Variants in STARD13 observed in about 807,000 individuals in gnomAD.
STARD13 encodes the protein stAR-related lipid transfer protein 13.
In STARD13, 62 loss-of-function variants were observed where a neutral mutation model predicts 106.4. The observed-to-expected ratio is 0.58, with a 90% confidence interval of 0.48 to 0.72. The LOEUF (loss-of-function observed/expected upper bound fraction) is 0.72, where lower values mean the gene tolerates loss of function less well. Ranked by LOEUF, STARD13 falls within the 30% of genes least tolerant of loss-of-function variation. The pLI, the probability that STARD13 is intolerant of heterozygous loss-of-function variation, is 0.00. For synonymous variants in STARD13, 565 were observed against 553.0 expected, an observed-to-expected ratio of 1.02 and a Z score of -0.31; for missense variants, 1,387 against 1,424.0, an observed-to-expected ratio of 0.97 and a Z score of 0.42.
chr13:33,260,973 T>C (rs1271762791), intron 1 of STARD13, among the ~76,000 whole-genome samples: 1 of 152,224 alleles, frequency 6.6e-6, no homozygotes, highest in Non-Finnish European at 1.5e-5. Context: ...TTTAGATTCA[T>C]GCCTGTCTTC....
chr13:33,438,994 A>T, the STARD13 span, among the ~76,000 whole-genome samples: 1 of 152,372 alleles, frequency 6.6e-6, no homozygotes, highest in East Asian at 1.9e-4. Flanking sequence ...TCTACAAGAT[A>T]TGAAGAATAC....
chr13:33,571,546 G>A, the STARD13 span, among the ~76,000 whole-genome samples: 1 of 150,010 alleles, frequency 6.7e-6, no homozygotes, highest in Admixed American at 6.6e-5. Context: ...CTGTACTTCT[G>A]AGTCTTCTGA....
chr13:33,323,092 T>C lies in STARD13; in HGVS notation c.124+27198A>G, dbSNP rs1893618747. ...TGAGTAGCAACAACCAGAGCCACCA[T>C]GCTGGGCAGCACAGGTTGTAATGTG... On this transcript the variant is annotated intron_variant, in intron 1 of 5. Coordinates refer to the STARD13 transcript ENST00000567873. Among the ~76,000 whole-genome samples, 3 of 152,196 alleles carry C rather than the reference T, an allele frequency of 2.0e-5. No homozygotes were observed. In the South Asian group the frequency reaches 6.2e-4, roughly 32 times the overall value.
At chr13:33,121,463 A>C (rs148429306) in intron 7 of STARD13, among the ~76,000 whole-genome samples, 4 of 151,774 alleles carry the variant, frequency 2.6e-5, no homozygotes, top group African/African-American at 9.7e-5. Context: ...AGCTACTTGG[A>C]AGGCTGAGGT....
the STARD13 span, among the ~76,000 whole-genome samples, chr13:33,370,182 T>C: frequency 6.6e-6 from 1 of 152,234 alleles, no homozygotes; most frequent in Admixed American, 6.5e-5. Context: ...GAACAGGGCC[T>C]GGCACATATA....
intron 1 of STARD13, among the ~76,000 whole-genome samples, chr13:33,248,202 C>T (rs138302302): frequency 1.8e-4 from 28 of 152,140 alleles, no homozygotes; most frequent in Admixed American, 5.2e-4. Flanking sequence ...GAGTTCAAGA[C>T]CAGCCTGGGC....
At chr13:33,161,611 G>A (rs971491633) in intron 3 of STARD13, among the ~76,000 whole-genome samples, 2 of 152,110 alleles carry the variant, frequency 1.3e-5, no homozygotes, top group African/African-American at 4.8e-5. Flanking sequence ...CACAACACCT[G>A]GTCTGCTCTA....
the STARD13 span, among the ~76,000 whole-genome samples, chr13:33,510,548 A>C: frequency 6.6e-6 from 1 of 152,164 alleles, no homozygotes; most frequent in African/African-American, 2.4e-5. Flanking sequence ...GGATTTCTTC[A>C]TTCATGGTGA....
the STARD13 span, among the ~76,000 whole-genome samples, chr13:33,595,403 T>C: frequency 6.6e-6 from 1 of 152,328 alleles, no homozygotes; most frequent in East Asian, 1.9e-4. Context: ...CATAATATGA[T>C]GTTTTTTAGA....
chr13:33,374,825 A>G, the STARD13 span, among the ~76,000 whole-genome samples: 1 of 152,044 alleles, frequency 6.6e-6, no homozygotes, highest in South Asian at 2.1e-4. Context: ...GTGTTTGTCA[A>G]ACTTTAGTCT....
At position 33,285,252 on chromosome 13, in the gene STARD13, G is replaced by A. The variant is rs550403653; in HGVS notation, c.169+218C>T. Among the ~76,000 whole-genome samples, 3 of 152,276 alleles carry A rather than the reference G, an allele frequency of 2.0e-5. No homozygotes were observed. The South Asian group carries it at 6.2e-4, about 32-fold the overall frequency. On this transcript the variant is annotated intron_variant, in intron 1 of 13. Transcript: ENST00000336934. Reference sequence around the variant, plus strand: ...TTATGATTCACTGTCCCACCGTGAAGTTTTTTGTGCACTTTATGTTGAGCT... The same window carrying A: ...TTATGATTCACTGTCCCACCGTGAAATTTTTTGTGCACTTTATGTTGAGCT...
chr13:33,643,074 T>C, the STARD13 span, among the ~76,000 whole-genome samples: 1 of 152,052 alleles, frequency 6.6e-6, no homozygotes, highest in Non-Finnish European at 1.5e-5. Context: ...CAAATATGCA[T>C]GCATGTATAA....
intron 13 of STARD13, 120 bp downstream of exon 13, chr13:33,106,638 A>T: frequency 1.1e-6 from 1 of 904,986 alleles, no homozygotes; most frequent in South Asian, 2.3e-5. Context: ...AAAGCACACT[A>T]ATGGCAATGA....
the STARD13 span, among the ~76,000 whole-genome samples, chr13:33,663,886 T>C: frequency 4.6e-5 from 7 of 152,292 alleles, no homozygotes; most frequent in South Asian, 1.2e-3. Flanking sequence ...TCCGCCTTAC[T>C]TGCCTGAACC....
At chr13:33,502,803 T>A in the STARD13 span, among the ~76,000 whole-genome samples, 1 of 152,214 alleles carries the variant, frequency 6.6e-6, no homozygotes, top group Non-Finnish European at 1.5e-5. Context: ...TTATTGAGGA[T>A]TTTTGCTTCA....
At chr13:33,445,960 A>T in the STARD13 span, among the ~76,000 whole-genome samples, 1 of 152,294 alleles carries the variant, frequency 6.6e-6, no homozygotes, top group East Asian at 1.9e-4. Context: ...TTGAGGAATC[A>T]AACATCCAAA....
At chr13:33,641,878 G>T in the STARD13 span, among the ~76,000 whole-genome samples, 4 of 152,244 alleles carry the variant, frequency 2.6e-5, no homozygotes, top group African/African-American at 9.6e-5. Flanking sequence ...AAATGAACAG[G>T]ATTGTGATAT....
the STARD13 span, among the ~76,000 whole-genome samples, chr13:33,404,832 A>C: frequency 2.1e-5 from 3 of 144,484 alleles, no homozygotes; most frequent in East Asian, 6.1e-4. Flanking sequence ...GCTGGAGTGC[A>C]GTGGCATGGT....
chr13:33,636,667 T>C, the STARD13 span, among the ~76,000 whole-genome samples: 11 of 152,352 alleles, frequency 7.2e-5, no homozygotes, highest in African/African-American at 2.6e-4. Flanking sequence ...TAATTGCACT[T>C]GCTATTTTAT....
Sources: gnomAD v4.1 joint callset for allele counts (sites outside exome capture counted in the v4.1 genomes callset) on GRCh38, gnomAD v4.1.1 for gene constraint, MANE v1.5 for transcripts, NCBI Gene and HGNC (gene_info 2026-07-23, HGNC 2026-07-21) for gene names.